Variants in RGS5 observed in about 807,000 individuals in gnomAD.
RGS5 encodes the protein regulator of G-protein signalling 5.
RGS5 carries 20 observed loss-of-function variants against 18.9 expected under a neutral mutation model. The observed-to-expected ratio is 1.06, with a 90% CI of 0.74 to 1.54. The LOEUF is 1.54. RGS5 is among the 40% of genes most tolerant of loss of function. The pLI, the probability that RGS5 is intolerant of heterozygous loss-of-function variation, is 0.00. For synonymous variants in RGS5, 57 were observed against 76.2 expected (o/e 0.75, Z 1.31); for missense variants, 201 against 211.8 (o/e 0.95, Z 0.32).
chr1:163,227,002 C>A (rs1348419282), intron 2 of RGS5, among the ~76,000 whole-genome samples: 6 of 152,238 alleles, frequency 3.9e-5, no homozygotes, highest in African/African-American at 1.4e-4. Context: ...ACTCTCACAA[C>A]TTCCAGTGCT....
chr1:163,221,764 C>A (rs1431135961), upstream of RGS5, among the ~76,000 whole-genome samples: 1 of 152,118 alleles, frequency 6.6e-6, no homozygotes, highest in Non-Finnish European at 1.5e-5. Flanking sequence ...GGAGTTGCTT[C>A]CTGATGAAGT....
In RGS5 at chr1:163,147,445, A is replaced by C. The variant is rs1412104524; in HGVS notation, c.443T>G (p.Leu148Arg). 6.2e-7 allele frequency: 1 copy of C among 1,612,684 alleles called. No homozygotes were observed. Among genetic ancestry groups the C allele is most frequent in the Non-Finnish European group, 8.5e-7 (1 of 1,179,272 alleles). Residue 148 changes from leucine to arginine, a missense_variant, in exon 5 of 5, where the codon CTG becomes CGG. Leu to Arg is a moderately radical substitution (Grantham distance 102, BLOSUM62 -2). Coordinates refer to ENST00000313961, the MANE Select transcript of RGS5 (RefSeq NM_003617.4). ...TTTCTGGGCCATGTCAAAGCTGCTC[A>C]GGGAAGGTTCCACCAGGTTCTTCAT... ...ITMKNLVEPS[L>R]SSFDMAQKRI...
At chr1:163,294,217 G>A (rs1649365519) in intron 2 of RGS5, among the ~76,000 whole-genome samples, 1 of 152,210 alleles carries the variant, frequency 6.6e-6, no homozygotes, top group Admixed American at 6.5e-5. Context: ...CCTAGTAGAG[G>A]TTCTCCATGA....
chr1:163,229,637 G>A (rs956601543), intron 2 of RGS5, among the ~76,000 whole-genome samples: 13 of 152,146 alleles, frequency 8.5e-5, no homozygotes, highest in African/African-American at 3.1e-4. Context: ...TGTAACTCAG[G>A]GCATTTGCCC....
intron 3 of RGS5, among the ~76,000 whole-genome samples, chr1:163,152,967 C>CAG (rs10635884): frequency 0.56 from 84,466 of 151,830 alleles, 25,793 homozygotes; most frequent in South Asian, 0.72. Flanking sequence ...TAGAACTAGA[C>CAG]AGAGATTTAC....
rs190931405 is a variant in RGS5, at chr1:163,151,414, T to C, written c.384+1136A>G. 2.4e-3 allele frequency among the ~76,000 whole-genome samples: 363 copies of C among 152,268 alleles called. 2 individuals carry two copies. Among genetic ancestry groups the C allele is most frequent in the African/African-American group, 8.3e-3 (347 of 41,558 alleles). On this transcript the variant is annotated intron_variant, in intron 4 of 4. Coordinates refer to ENST00000313961, the MANE Select transcript of RGS5 (RefSeq NM_003617.4). ...TGGAAAGAAAAACAAAGAAAAGTTA[T>C]AGAAATACTCATTAGGCATTAATCA... is the stretch of plus-strand genomic sequence containing the variant.
intron 2 of RGS5, among the ~76,000 whole-genome samples, chr1:163,284,365 C>T (rs2101720971): frequency 6.6e-6 from 1 of 152,264 alleles, no homozygotes; most frequent in East Asian, 1.9e-4. Flanking sequence ...TACAGAGTCA[C>T]CTACTCTAAG....
intron 1 of RGS5, chr1:163,308,610 A>C (rs918030639): frequency 6.6e-6 from 1 of 152,226 alleles, no homozygotes; most frequent in Non-Finnish European, 1.5e-5. Context: ...AGGTCAATGG[A>C]TTGAGCCATG....
chr1:163,245,240 C>A (rs139417848), intron 2 of RGS5, among the ~76,000 whole-genome samples: 3 of 152,244 alleles, frequency 2.0e-5, no homozygotes, highest in African/African-American at 7.2e-5. Flanking sequence ...CCAGCTTAAT[C>A]CTCTCCTATA....
At chr1:163,192,038 A>G (rs1397624582) in intron 1 of RGS5, among the ~76,000 whole-genome samples, 4 of 152,168 alleles carry the variant, frequency 2.6e-5, no homozygotes, top group Non-Finnish European at 4.4e-5. Flanking sequence ...GCCCCTTCCC[A>G]TATACCTTGC....
At chr1:163,215,640 T>C (rs1660199313) in intron 1 of RGS5, among the ~76,000 whole-genome samples, 1 of 152,194 alleles carries the variant, frequency 6.6e-6, no homozygotes, top group Non-Finnish European at 1.5e-5. Flanking sequence ...TTAACTCTTC[T>C]ACACCAGAAT....
intron 1 of RGS5, among the ~76,000 whole-genome samples, chr1:163,201,653 T>C (rs1398267662): frequency 2.0e-5 from 3 of 152,132 alleles, no homozygotes; most frequent in African/African-American, 7.2e-5. Context: ...TACTAGATAG[T>C]ATTGTTGGGA....
chr1:163,265,951 T>C (rs958158111), intron 2 of RGS5, among the ~76,000 whole-genome samples: 7 of 152,110 alleles, frequency 4.6e-5, no homozygotes, highest in African/African-American at 1.4e-4. Context: ...AACCCCCAAA[T>C]AAATATACCT....
intron 1 of RGS5, among the ~76,000 whole-genome samples, chr1:163,213,985 T>G (rs972399099): frequency 3.3e-5 from 5 of 152,126 alleles, no homozygotes; most frequent in African/African-American, 1.2e-4. Flanking sequence ...GTAACCCCAT[T>G]AAAATAATCT....
At chr1:163,260,280 C>T (rs1388045685) in intron 2 of RGS5, 1 of 152,158 alleles carries the variant, frequency 6.6e-6, no homozygotes, top group Non-Finnish European at 1.5e-5. Flanking sequence ...TGGTTTGCAT[C>T]ATTTTTTAAT....
chr1:163,310,960 G>A (rs777017741), intron 1 of RGS5, among the ~76,000 whole-genome samples: 6 of 152,152 alleles, frequency 3.9e-5, no homozygotes, highest in Non-Finnish European at 7.3e-5. Context: ...TTATAAAACC[G>A]TCAGATCTCA....
At chr1:163,227,661 C>A (rs1056980882) in intron 2 of RGS5, among the ~76,000 whole-genome samples, 1 of 146,302 alleles carries the variant, frequency 6.8e-6, no homozygotes, top group Non-Finnish European at 1.5e-5. Flanking sequence ...AGTCTTAATT[C>A]ATTCTAGCAT....
chr1:163,194,891 G>A (rs1659501854), intron 1 of RGS5, among the ~76,000 whole-genome samples: 1 of 152,040 alleles, frequency 6.6e-6, no homozygotes, highest in Admixed American at 6.6e-5. Flanking sequence ...GACTTGATAT[G>A]TTTTGTAAGA....
At chr1:163,289,535 T>C (rs139374223) in intron 2 of RGS5, among the ~76,000 whole-genome samples, 23 of 152,248 alleles carry the variant, frequency 1.5e-4, no homozygotes, top group African/African-American at 5.5e-4. Flanking sequence ...ACCTGTCACA[T>C]AGTAAGTGCT....
Sources: allele counts gnomAD v4.1 joint callset (sites outside exome capture counted in the v4.1 genomes callset), GRCh38; gene constraint gnomAD v4.1.1; transcripts MANE v1.5; gene names NCBI Gene and HGNC (gene_info 2026-07-23, HGNC 2026-07-21).